EVC2: variants seen among roughly 807,000 people sequenced by gnomAD.
EVC2 encodes EvC ciliary complex subunit 2.
In EVC2, 148 loss-of-function variants were observed where a neutral mutation model predicts 149.3. That is an observed-to-expected ratio of 0.99 (90% CI 0.87 to 1.14). The LOEUF is 1.14. Ranked by LOEUF, EVC2 falls within the 50% of genes most tolerant of loss-of-function variation. The pLI is 0.00. For missense variants in EVC2, 1,854 were observed against 1,627.3 expected (o/e 1.14, Z -2.40); for synonymous variants, 776 against 649.9 (o/e 1.19, Z -2.95).
At chr4:5,529,286 T>C in the EVC2 span, among the ~76,000 whole-genome samples, 1 of 152,178 alleles carries the variant, frequency 6.6e-6, no homozygotes, top group Non-Finnish European at 1.5e-5. This position sits in a 1 kb window ranked among gnomAD's most constrained non-coding sequence, Gnocchi z 4.5. Context: ...CCTTTTAGTG[T>C]GATATTTTCA....
At chr4:5,632,559 T>C (rs569587338) in intron 10 of EVC2, among the ~76,000 whole-genome samples, 3 of 152,300 alleles carry the variant, frequency 2.0e-5, no homozygotes, top group African/African-American at 7.2e-5. Context: ...TCACTATCAG[T>C]GGGTCATGCT....
chr4:5,607,497 C>G lies in EVC2; in HGVS notation c.2829+7925G>C, dbSNP rs115665687. 2.0e-4 allele frequency among the ~76,000 whole-genome samples: 30 copies of G among 152,276 alleles called. 1 individual carries two copies. Among genetic ancestry groups the G allele is most frequent in the African/African-American group, 7.2e-4 (30 of 41,564 alleles). ...TCAGTCCATCAGAAGGACCAGACAT[C>G]TGTAGCTGACTTTCCCATTTCTCAT... On this transcript the variant is annotated intron_variant, in intron 16 of 21. Transcript: ENST00000344408.
chr4:5,665,430 A>G (rs1008444511), intron 8 of EVC2, 85 bp downstream of exon 8: 9 of 1,600,720 alleles, frequency 5.6e-6, no homozygotes, highest in Non-Finnish European at 7.7e-6. Flanking sequence ...GCTGATGGGG[A>G]TCCAGGGCTG....
At chr4:5,708,039 A>G (rs374140626) in intron 1 of EVC2, 2 of 403,602 alleles carry the variant, frequency 5.0e-6, no homozygotes, top group Non-Finnish European at 8.7e-6. Context: ...GGAGAGCAGG[A>G]TTCGAACCAG....
chr4:5,654,135 A>G (rs1010650254), intron 9 of EVC2, among the ~76,000 whole-genome samples: 1 of 152,104 alleles, frequency 6.6e-6, no homozygotes, highest in Non-Finnish European at 1.5e-5. Flanking sequence ...AATCACTTGA[A>G]CCTAGGAGGC....
the EVC2 span, among the ~76,000 whole-genome samples, chr4:5,535,777 CAT>C: frequency 6.6e-6 from 1 of 152,144 alleles, no homozygotes; most frequent in Admixed American, 6.5e-5. The surrounding 1 kb of genome is among the most constrained non-coding windows in gnomAD (Gnocchi z 4.7). Flanking sequence ...GGGGCTTTAA[CAT>C]ATAAATTTTG....
At position 5,622,649 on chromosome 4, in the gene EVC2, C is replaced by A. The variant is rs1715780707; in HGVS notation, c.2389G>T (p.Asp797Tyr). Residue 797 changes from aspartate to tyrosine, a missense_variant, in exon 14 of 22, where the codon GAC (aspartate) becomes TAC (tyrosine). Asp to Tyr is a radical substitution (Grantham distance 160). Transcript: ENST00000344408. The surrounding 1 kb of genome is among the most constrained non-coding windows in gnomAD (Gnocchi z 5.8). Reference protein sequence around the residue: ...RAEQLEGEERDRDQEGVQSVR... With the variant: ...RAEQLEGEERYRDQEGVQSVR... ...CTCTGGACACCCTCCTGGTCCCTGTCCCTCTCCTCCCCCTCCAGCTGCTCG... is the reference window on the plus strand; with the variant it reads ...CTCTGGACACCCTCCTGGTCCCTGTACCTCTCCTCCCCCTCCAGCTGCTCG... 1 of 1,614,114 alleles carries A rather than the reference C, an allele frequency of 6.2e-7. No individual in the cohort carries two copies. The highest frequency in any genetic ancestry group is 8.5e-7 in the Non-Finnish European group (1 of 1,180,028).
At chr4:5,663,328 G>C (rs1329636191) in intron 8 of EVC2, 82 bp from the exon 9 acceptor site, 1 of 1,593,464 alleles carries the variant, frequency 6.3e-7, no homozygotes, top group South Asian at 1.1e-5. Flanking sequence ...GGGAAGGCCA[G>C]GGGTCTGCAG....
At chr4:5,619,041 T>C (rs1335004831) in intron 14 of EVC2, among the ~76,000 whole-genome samples, 1 of 152,136 alleles carries the variant, frequency 6.6e-6, no homozygotes, top group Admixed American at 6.5e-5. Flanking sequence ...GCATTCTCTA[T>C]GTAGGACCAA....
intron 6 of EVC2, among the ~76,000 whole-genome samples, chr4:5,683,877 C>T (rs1198437524): frequency 6.9e-6 from 1 of 145,830 alleles, no homozygotes; most frequent in Admixed American, 7.0e-5. Flanking sequence ...CACAGCTGCC[C>T]GGGAACACAC....
chr4:5,701,917 C>A (rs1331233751), intron 1 of EVC2, among the ~76,000 whole-genome samples: 1 of 152,098 alleles, frequency 6.6e-6, no homozygotes. Flanking sequence ...CCAGCAACCT[C>A]TCAGTAGCCC....
chr4:5,696,581 T>C lies in EVC2; in HGVS notation c.283+1012A>G, dbSNP rs1409899141. ...GCCATGAGGCTCAGGAGCCAGGGAC[T>C]GCCCGCGGCATTTTTCCCACCATGG... On this transcript the variant is annotated intron_variant, in intron 2 of 21. Coordinates refer to ENST00000344408, the MANE Select transcript of EVC2 (RefSeq NM_147127.5). The surrounding 1 kb of genome is among the most constrained non-coding windows in gnomAD (Gnocchi z 4.1). 1.3e-5 allele frequency among the ~76,000 whole-genome samples: 2 copies of C among 152,304 alleles called. No homozygotes were observed. Among genetic ancestry groups the C allele is most frequent in the East Asian group, 1.9e-4 (1 of 5,168 alleles).
chr4:5,619,871 G>C (rs1303214319), intron 14 of EVC2, among the ~76,000 whole-genome samples: 2 of 152,206 alleles, frequency 1.3e-5, no homozygotes. Flanking sequence ...ATTAGCTGTA[G>C]ATGTGTTTGA....
rs1286587616 is a variant in EVC2 at position 5,584,814 on chromosome 4, T to C, written c.2866A>G (p.Met956Val). ...GCAAAGCCTCCCTCCTGTGCCTCCA[T>C]CCGCTGCACTCTCTCCCGCAGCAAT... ...GELLRERVQR[M>V]EAQEGGFAQS... Residue 956 changes from methionine to valine, a missense_variant, in exon 17 of 22, where the codon ATG (methionine) becomes GTG (valine). Transcript: ENST00000344408. 1.9e-6 allele frequency: 3 copies of C among 1,614,056 alleles called. No individual in the cohort carries two copies. Among genetic ancestry groups the C allele is most frequent in the Admixed American group, 3.3e-5 (2 of 60,002 alleles).
At chr4:5,678,639 T>C (rs533359693) in intron 7 of EVC2, among the ~76,000 whole-genome samples, 90 of 152,328 alleles carry the variant, frequency 5.9e-4, no homozygotes, top group Middle Eastern at 3.4e-3. Context: ...ACCTAAGCTC[T>C]ACGGTATAGT....
At chr4:5,705,833 G>A (rs1203387327) in intron 1 of EVC2, among the ~76,000 whole-genome samples, 4 of 152,020 alleles carry the variant, frequency 2.6e-5, no homozygotes, top group East Asian at 1.9e-4. Flanking sequence ...GTTCAGTGAC[G>A]CCAGGGATTC....
chr4:5,556,179 C>CAAAAAAAA (rs61024761), intron 21 of EVC2, among the ~76,000 whole-genome samples: 1 of 65,020 alleles, frequency 1.5e-5, no homozygotes, highest in Admixed American at 2.6e-4. Flanking sequence ...GACTCCGTCT[C>CAAAAAAAA]AAAAAAAAAA....
chr4:5,635,166 G>A (rs1216637564), intron 10 of EVC2, among the ~76,000 whole-genome samples: 4 of 149,906 alleles, frequency 2.7e-5, no homozygotes, highest in African/African-American at 7.3e-5. Context: ...CCTCCCAAGC[G>A]GCTGGGATTA....
chr4:5,622,628 G>A lies in EVC2; in HGVS notation c.2410C>T (p.Gln804Ter). ...EERDRDQEGV[Q>*]SVRQRLKDDA... Reference sequence around the variant, plus strand: ...TCCTTCAGTCTCTGCCTCACGCTCTGGACACCCTCCTGGTCCCTGTCCCTC... The same window carrying A: ...TCCTTCAGTCTCTGCCTCACGCTCTAGACACCCTCCTGGTCCCTGTCCCTC... Residue 804 changes from glutamine (Q) to a stop codon, truncating the protein, a stop_gained, in exon 14 of 22, where the codon CAG (glutamine) becomes TAG (stop). Transcript: ENST00000344408. LOFTEE classifies it high-confidence loss of function. This position sits in a 1 kb window ranked among gnomAD's most constrained non-coding sequence, Gnocchi z 5.8. The A allele has an allele frequency of 6.2e-7, 1 of 1,613,892 alleles. No homozygotes were observed. Among genetic ancestry groups the A allele is most frequent in the East Asian group, 2.2e-5 (1 of 44,828 alleles).
Sources: allele counts gnomAD v4.1 joint callset (sites outside exome capture counted in the v4.1 genomes callset), GRCh38; gene constraint gnomAD v4.1.1; non-coding constraint Gnocchi (gnomAD v3.1); transcripts MANE v1.5; gene names NCBI Gene and HGNC (gene_info 2026-07-23, HGNC 2026-07-21).